Variants in ROBO2 observed in about 807,000 individuals in gnomAD.
ROBO2 encodes the protein roundabout guidance receptor 2.
In ROBO2, 53 loss-of-function variants were observed where a neutral mutation model predicts 160.8. The observed-to-expected ratio is 0.33, with a 90% CI of 0.26 to 0.41. ROBO2 has a LOEUF of 0.41. ROBO2 is among the 10% of genes least tolerant of loss of function. ROBO2 has a pLI of 1.00. For synonymous variants in ROBO2, 664 were observed against 611.7 expected (o/e 1.09, Z -1.26); for missense variants, 1,577 against 1,722.4 (o/e 0.92, Z 1.49).
intron 2 of ROBO2, among the ~76,000 whole-genome samples, chr3:77,443,205 C>A (rs2080129869): frequency 6.6e-6 from 1 of 151,904 alleles, no homozygotes; most frequent in Admixed American, 6.6e-5. Context: ...CTTGTATAGC[C>A]CTGAACTGTT....
chr3:76,160,500 A>G (rs1277023688), intron 2 of ROBO2, among the ~76,000 whole-genome samples: 1 of 152,116 alleles, frequency 6.6e-6, no homozygotes, highest in Non-Finnish European at 1.5e-5. Flanking sequence ...TTTTTTCCTC[A>G]CAAGTTGATG....
At chr3:77,331,988 G>A (rs1273289428) in intron 2 of ROBO2, among the ~76,000 whole-genome samples, 1 of 152,168 alleles carries the variant, frequency 6.6e-6, no homozygotes, top group South Asian at 2.1e-4. Flanking sequence ...TTACAGGCGT[G>A]AGCCAACGCC....
intron 2 of ROBO2, among the ~76,000 whole-genome samples, chr3:76,401,883 G>A (rs2077842333): frequency 6.6e-6 from 1 of 151,398 alleles, no homozygotes; most frequent in African/African-American, 2.4e-5. Context: ...TAAAATAAGT[G>A]AATTCATCAT....
Position 77,411,736 on chromosome 3 carries a change from G to A in ROBO2, c.389-65678G>A, listed in dbSNP as rs542830428. Among the ~76,000 whole-genome samples the A allele has an allele frequency of 3.9e-5, 6 of 152,282 alleles. No individual in the cohort carries two copies. In the East Asian group the frequency reaches 5.8e-4, roughly 15 times the overall value. ...TATGTGTGTAAACTCTATCTGGAAG[G>A]ACGGACATAAAAGAAATTAATCATA... On this transcript the variant is annotated intron_variant, in intron 2 of 25. Transcript: ENST00000461745.
intron 2 of ROBO2, among the ~76,000 whole-genome samples, chr3:77,216,400 G>A (rs907298981): frequency 6.6e-6 from 1 of 152,168 alleles, no homozygotes; most frequent in Non-Finnish European, 1.5e-5. Flanking sequence ...ATCTCCTGGT[G>A]CGCCGTTTAC....
At chr3:77,573,961 A>G (rs1034410976) in intron 13 of ROBO2, among the ~76,000 whole-genome samples, 4 of 151,638 alleles carry the variant, frequency 2.6e-5, no homozygotes, top group Non-Finnish European at 5.9e-5. Context: ...GGCTGACTCT[A>G]TTTTCATTGT....
At chr3:76,437,971 C>G (rs1355516620) in intron 2 of ROBO2, among the ~76,000 whole-genome samples, 1 of 152,112 alleles carries the variant, frequency 6.6e-6, no homozygotes, top group Non-Finnish European at 1.5e-5. Flanking sequence ...TAAGCGTGCT[C>G]TTGAGTGAGC....
intron 2 of ROBO2, among the ~76,000 whole-genome samples, chr3:76,848,944 A>C (rs747915645): frequency 2.0e-5 from 3 of 152,234 alleles, no homozygotes; most frequent in Admixed American, 6.5e-5. Flanking sequence ...CAATGGATTG[A>C]TAAGGGACTT....
chr3:76,547,293 T>A (rs1314676195), intron 2 of ROBO2, among the ~76,000 whole-genome samples: 2 of 150,382 alleles, frequency 1.3e-5, no homozygotes, highest in East Asian at 3.9e-4. Flanking sequence ...GTATATGCTG[T>A]CAGATAACCT....
At chr3:76,423,500 C>A (rs370010923) in intron 2 of ROBO2, among the ~76,000 whole-genome samples, 1 of 151,910 alleles carries the variant, frequency 6.6e-6, no homozygotes, top group Admixed American at 6.6e-5. Context: ...GAGGTAGAGG[C>A]AAAAGTGTGA....
At chr3:76,214,829 C>G (rs1025780403) in intron 2 of ROBO2, among the ~76,000 whole-genome samples, 1 of 152,208 alleles carries the variant, frequency 6.6e-6, no homozygotes, top group Non-Finnish European at 1.5e-5. Context: ...TCTCCCAGCA[C>G]GCAGCTGGAG....
chr3:76,527,026 A>C (rs983477674), intron 2 of ROBO2, among the ~76,000 whole-genome samples: 1 of 152,040 alleles, frequency 6.6e-6, no homozygotes, highest in African/African-American at 2.4e-5. Flanking sequence ...AAATTGCTTT[A>C]TATATTTTTT....
At chr3:76,586,994 T>G (rs773989957) in intron 2 of ROBO2, among the ~76,000 whole-genome samples, 2 of 152,170 alleles carry the variant, frequency 1.3e-5, no homozygotes, top group Non-Finnish European at 2.9e-5. Context: ...TGCTTTATAC[T>G]TTTGTAGAAC....
In ROBO2 at chr3:76,205,719, C is replaced by T. The variant is rs142156278; in HGVS notation, c.109+268117C>T. On this transcript the variant is annotated intron_variant, in intron 2 of 26. Coordinates refer to the ROBO2 transcript ENST00000487694. ...GAGGGTTAAGAGCTTTGCTCTTGCA[C>T]GTCTCTGGGGGCCATGCCATCCCTT... Among the ~76,000 whole-genome samples the T allele has an allele frequency of 4.5e-3, 691 of 152,260 alleles. 5 individuals are homozygous for T. The highest frequency in any genetic ancestry group is 5.7e-3 in the Non-Finnish European group (391 of 68,028).
At chr3:75,911,552 CTTT>C (rs56787695) in intron 1 of ROBO2, among the ~76,000 whole-genome samples, 2 of 83,548 alleles carry the variant, frequency 2.4e-5, no homozygotes, top group South Asian at 5.1e-4. Context: ...AGCCTTGTTT[CTTT>C]TTTTTTTTTT....
At chr3:76,804,274 A>G (rs925807806) in intron 2 of ROBO2, among the ~76,000 whole-genome samples, 1 of 152,194 alleles carries the variant, frequency 6.6e-6, no homozygotes, top group African/African-American at 2.4e-5. Context: ...ATCTTAGACA[A>G]AAGTCTCAGA....
chr3:76,611,375 T>A (rs546735083), intron 2 of ROBO2, among the ~76,000 whole-genome samples: 4 of 152,300 alleles, frequency 2.6e-5, no homozygotes, highest in African/African-American at 9.6e-5. Flanking sequence ...TTTGGTAAAA[T>A]TTAGCAGGAA....
chr3:77,132,233 G>A (rs1010776705), intron 2 of ROBO2, among the ~76,000 whole-genome samples: 2 of 152,038 alleles, frequency 1.3e-5, no homozygotes, highest in African/African-American at 4.8e-5. Context: ...TTGTAATACT[G>A]TATGTCAGAA....
At chr3:77,292,605 A>G (rs899503618) in intron 2 of ROBO2, among the ~76,000 whole-genome samples, 1 of 151,292 alleles carries the variant, frequency 6.6e-6, no homozygotes, top group Non-Finnish European at 1.5e-5. Context: ...ATCACCCCAG[A>G]CATAAAGTAA....
Sources: allele counts gnomAD v4.1 joint callset (sites outside exome capture counted in the v4.1 genomes callset), GRCh38; gene constraint gnomAD v4.1.1; transcripts MANE v1.5; gene names NCBI Gene and HGNC (gene_info 2026-07-23, HGNC 2026-07-21).